The following KALRN variants were observed in gnomAD, a reference collection of about 807,000 sequenced individuals.
KALRN encodes the protein kalirin RhoGEF kinase.
KALRN carries 70 observed loss-of-function variants against 353.7 expected under a neutral mutation model. The ratio of observed to expected loss-of-function variants is 0.20; its 90% CI spans 0.16 to 0.24. KALRN has a LOEUF of 0.24. Among genes scored for constraint, KALRN ranks in the 10% least tolerant of loss-of-function variants. KALRN has a pLI of 1.00. For missense variants in KALRN, 2,791 were observed against 3,756.7 expected (o/e 0.74, Z 6.72); for synonymous variants, 1,391 against 1,434.8 (o/e 0.97, Z 0.69).
intron 1 of KALRN, among the ~76,000 whole-genome samples, chr3:124,078,166 T>A (rs1245243906): frequency 6.6e-6 from 1 of 152,202 alleles, no homozygotes; most frequent in Non-Finnish European, 1.5e-5. Context: ...ATATTCATCT[T>A]TTTGTGGTGC....
chr3:124,693,198 G>C lies in KALRN; in HGVS notation c.7378-606G>C, dbSNP rs71323882. On this transcript the variant is annotated intron_variant, in intron 51 of 59. Coordinates refer to ENST00000682506, the MANE Select transcript of KALRN (RefSeq NM_001388419.1). ...CCCCATGCAGGCCTGGGCTATAGGA[G>C]ATCATGCTTGAGAAAGAAGAGACAG... Among the ~76,000 whole-genome samples the C allele has an allele frequency of 9.0e-3, 1,373 of 152,314 alleles. 12 individuals carry two copies. Among genetic ancestry groups the C allele is most frequent in the Non-Finnish European group, 0.014 (937 of 68,026 alleles).
intron 34 of KALRN, among the ~76,000 whole-genome samples, chr3:124,574,004 G>A (rs954283930): frequency 2.6e-5 from 4 of 152,322 alleles, no homozygotes; most frequent in Middle Eastern, 6.8e-3. Context: ...TGACCTGTGT[G>A]ATGGGGGTTG....
intron 10 of KALRN, among the ~76,000 whole-genome samples, chr3:124,378,534 T>C (rs1484992819): frequency 6.6e-6 from 1 of 152,130 alleles, no homozygotes; most frequent in African/African-American, 2.4e-5. Flanking sequence ...TCTGATACCA[T>C]TTTCTTTCTT....
chr3:124,468,458 T>G (rs2060564256), intron 25 of KALRN, among the ~76,000 whole-genome samples: 1 of 152,152 alleles, frequency 6.6e-6, no homozygotes, highest in Non-Finnish European at 1.5e-5. Flanking sequence ...TGCTGCTACC[T>G]TTTCCTCCCT....
intron 1 of KALRN, among the ~76,000 whole-genome samples, chr3:124,059,957 G>A (rs1198237329): frequency 1.3e-5 from 2 of 152,192 alleles, no homozygotes; most frequent in African/African-American, 4.8e-5. Flanking sequence ...GAACCATGGG[G>A]ATGGTGGAAT....
At chr3:124,589,507 C>T (rs757634157) in intron 34 of KALRN, among the ~76,000 whole-genome samples, 2 of 152,082 alleles carry the variant, frequency 1.3e-5, no homozygotes, top group African/African-American at 4.8e-5. Flanking sequence ...GTGGGAGGAT[C>T]GGTTGAGCCC....
chr3:124,708,739 C>A (rs1357250525), intron 57 of KALRN, among the ~76,000 whole-genome samples: 1 of 151,838 alleles, frequency 6.6e-6, no homozygotes, highest in Non-Finnish European at 1.5e-5. Context: ...CTGGAAATGT[C>A]CCAAATTTGG....
intron 25 of KALRN, 25 bp from the exon 26 acceptor site, chr3:124,474,638 A>G: frequency 6.2e-7 from 1 of 1,605,794 alleles, no homozygotes; most frequent in Non-Finnish European, 8.5e-7. Context: ...GAGGTGTCTG[A>G]TTCAGTCTTT....
chr3:124,370,823 C>A (rs181964355), intron 10 of KALRN, among the ~76,000 whole-genome samples: 50 of 152,294 alleles, frequency 3.3e-4, no homozygotes, highest in African/African-American at 1.1e-3. Context: ...GTAAGCTGAT[C>A]AAACTGAGAT....
chr3:124,556,343 AAAT>A (rs1376486975), intron 33 of KALRN, among the ~76,000 whole-genome samples: 1 of 152,228 alleles, frequency 6.6e-6, no homozygotes, highest in African/African-American at 2.4e-5. Context: ...CAAACTGATG[AAAT>A]CCCAGAGCTC....
intron 33 of KALRN, among the ~76,000 whole-genome samples, chr3:124,552,488 C>A (rs1433782624): frequency 6.6e-6 from 1 of 152,222 alleles, no homozygotes; most frequent in African/African-American, 2.4e-5. Context: ...ACCCTACAAC[C>A]ACAGTGTAAA....
At chr3:124,307,414 A>T (rs577711809) in intron 6 of KALRN, among the ~76,000 whole-genome samples, 2 of 152,102 alleles carry the variant, frequency 1.3e-5, no homozygotes, top group South Asian at 2.1e-4. Flanking sequence ...AAAATTACAG[A>T]AAGTGATACT....
chr3:124,204,911 A>AT (rs1167321963), intron 1 of KALRN, among the ~76,000 whole-genome samples: 2 of 152,220 alleles, frequency 1.3e-5, no homozygotes. Context: ...AGAACTCCTC[A>AT]TGGAACTGTC....
At chr3:124,447,829 G>A (rs1188894564) in intron 21 of KALRN, among the ~76,000 whole-genome samples, 1 of 152,102 alleles carries the variant, frequency 6.6e-6, no homozygotes, top group African/African-American at 2.4e-5. Context: ...CAATATTGGG[G>A]AGCCTCTCCC....
rs1255695637 is a variant in KALRN, at chr3:124,464,687, A to G, written c.4031+2054A>G. On this transcript the variant is annotated intron_variant, in intron 25 of 59. Coordinates refer to ENST00000682506, the MANE Select transcript of KALRN (RefSeq NM_001388419.1). ...ACAAAAATTAAGTTCTTGTCTTTTCATAGAAGCATCTTTCTATCCTCCCTA... is the reference window on the plus strand; with the variant it reads ...ACAAAAATTAAGTTCTTGTCTTTTCGTAGAAGCATCTTTCTATCCTCCCTA... Among the ~76,000 whole-genome samples the G allele has an allele frequency of 2.0e-5, 3 of 152,192 alleles. No homozygotes were observed. The East Asian group carries it at 5.8e-4, about 29-fold the overall frequency.
intron 14 of KALRN, among the ~76,000 whole-genome samples, chr3:124,415,729 A>G (rs1047503738): frequency 6.6e-6 from 1 of 152,180 alleles, no homozygotes; most frequent in Non-Finnish European, 1.5e-5. Context: ...CTGTGGTTCA[A>G]TTAGCCCTCC....
At chr3:124,589,868 A>T (rs1017148555) in intron 34 of KALRN, among the ~76,000 whole-genome samples, 24 of 152,278 alleles carry the variant, frequency 1.6e-4, no homozygotes, top group African/African-American at 5.5e-4. Context: ...TGGGTTTCGC[A>T]TCCCACAAAT....
chr3:124,178,576 A>G (rs2073113558), intron 1 of KALRN, among the ~76,000 whole-genome samples: 1 of 152,204 alleles, frequency 6.6e-6, no homozygotes, highest in South Asian at 2.1e-4. Flanking sequence ...CAATCGTAAC[A>G]CAATGATAAA....
At chr3:124,425,211 A>T (rs1376188132) in intron 15 of KALRN, among the ~76,000 whole-genome samples, 1 of 152,168 alleles carries the variant, frequency 6.6e-6, no homozygotes, top group Non-Finnish European at 1.5e-5. Context: ...GTGGTATAAT[A>T]CAGTAGGGTG....
Sources: gnomAD v4.1 joint callset for allele counts (sites outside exome capture counted in the v4.1 genomes callset) on GRCh38, gnomAD v4.1.1 for gene constraint, MANE v1.5 for transcripts, NCBI Gene and HGNC (gene_info 2026-07-23, HGNC 2026-07-21) for gene names.